The following FER variants were observed in gnomAD, a reference collection of about 807,000 sequenced individuals.
FER encodes tyrosine-protein kinase Fer.
FER carries 63 observed loss-of-function variants against 111.0 expected under a neutral mutation model. The ratio of observed to expected loss-of-function variants is 0.57; its 90% CI spans 0.46 to 0.70. The LOEUF is 0.70. Among genes scored for constraint, FER ranks in the 30% least tolerant of loss-of-function variants. FER has a pLI of 0.00. For missense variants in FER, 914 were observed against 954.0 expected (o/e 0.96, Z 0.55); for synonymous variants, 327 against 313.9 (o/e 1.04, Z -0.44).
At chr5:109,005,918 T>C (rs1765440393) in intron 13 of FER, among the ~76,000 whole-genome samples, 1 of 152,226 alleles carries the variant, frequency 6.6e-6, no homozygotes, top group Non-Finnish European at 1.5e-5. Flanking sequence ...AAGACAAATT[T>C]GTATTCGCTT....
chr5:109,084,536 T>C (rs1178431724), intron 16 of FER, among the ~76,000 whole-genome samples: 2 of 151,912 alleles, frequency 1.3e-5, no homozygotes, highest in Non-Finnish European at 2.9e-5. Flanking sequence ...TAGCCAATTG[T>C]ATGGTTTACT....
intron 13 of FER, among the ~76,000 whole-genome samples, chr5:108,987,565 A>T (rs1581525783): frequency 6.6e-6 from 1 of 152,166 alleles, no homozygotes; most frequent in African/African-American, 2.4e-5. Flanking sequence ...TTGTAAAGGA[A>T]TTTGAGTTCT....
intron 13 of FER, among the ~76,000 whole-genome samples, chr5:109,006,014 C>T (rs1221274409): frequency 1.3e-5 from 2 of 152,160 alleles, no homozygotes; most frequent in Non-Finnish European, 2.9e-5. Flanking sequence ...TATTGATTAA[C>T]TCAGATATAC....
intron 1 of FER, among the ~76,000 whole-genome samples, 160 bp downstream of exon 1, chr5:108,748,160 C>G (rs753606524): frequency 5.9e-5 from 9 of 152,236 alleles, no homozygotes; most frequent in Admixed American, 2.6e-4. Flanking sequence ...TCAGAGTAAA[C>G]TGGAGTTGCT....
At chr5:108,952,910 C>G (rs889326665) in intron 11 of FER, among the ~76,000 whole-genome samples, 1 of 151,926 alleles carries the variant, frequency 6.6e-6, no homozygotes, top group African/African-American at 2.4e-5. Context: ...TTTCCTGTTA[C>G]GTTGACCTTT....
At chr5:109,130,488 C>A (rs1752240226) in intron 17 of FER, among the ~76,000 whole-genome samples, 1 of 133,480 alleles carries the variant, frequency 7.5e-6, no homozygotes, top group South Asian at 2.3e-4. Flanking sequence ...TTAGTAGCCA[C>A]ATTAAAAATA....
At chr5:108,866,974 A>G (rs1189992195) in intron 5 of FER, among the ~76,000 whole-genome samples, 1 of 152,178 alleles carries the variant, frequency 6.6e-6, no homozygotes, top group East Asian at 1.9e-4. Flanking sequence ...TTCCACATGA[A>G]GTCTAAATTT....
At chr5:108,893,974 T>TG (rs1257481090) in intron 9 of FER, among the ~76,000 whole-genome samples, 3 of 151,572 alleles carry the variant, frequency 2.0e-5, no homozygotes, top group East Asian at 1.9e-4. Context: ...AGAGGTTTTT[T>TG]TTTTTTTTTT....
chr5:109,013,729 C>A (rs1766639651), intron 13 of FER, among the ~76,000 whole-genome samples: 1 of 151,832 alleles, frequency 6.6e-6, no homozygotes, highest in Non-Finnish European at 1.5e-5. Context: ...TTCTCCACAT[C>A]CTCTCCAGCA....
intron 10 of FER, among the ~76,000 whole-genome samples, chr5:108,914,822 A>G (rs1282571951): frequency 6.6e-6 from 1 of 152,224 alleles, no homozygotes; most frequent in Non-Finnish European, 1.5e-5. Flanking sequence ...CCTTTTCAAA[A>G]GTAATTTAGG....
At chr5:109,158,223 A>T (rs1207192004) in intron 17 of FER, among the ~76,000 whole-genome samples, 1 of 151,948 alleles carries the variant, frequency 6.6e-6, no homozygotes, top group Non-Finnish European at 1.5e-5. Flanking sequence ...TACAAAAAAA[A>T]TACCAAAAAA....
At chr5:108,931,068 C>T (rs940323882) in intron 10 of FER, among the ~76,000 whole-genome samples, 6 of 152,174 alleles carry the variant, frequency 3.9e-5, no homozygotes, top group Admixed American at 3.9e-4. Context: ...GTTATTTAAC[C>T]ACTCTAGGCT....
chr5:108,874,915 A>T (rs1269404099), intron 8 of FER, among the ~76,000 whole-genome samples: 1 of 152,172 alleles, frequency 6.6e-6, no homozygotes, highest in East Asian at 1.9e-4. Context: ...CAGATATATA[A>T]GCCCTCTTAT....
At chr5:109,018,609 T>C (rs915734417) in intron 13 of FER, among the ~76,000 whole-genome samples, 2 of 151,802 alleles carry the variant, frequency 1.3e-5, no homozygotes, top group Non-Finnish European at 3.0e-5. Flanking sequence ...TATCTGTAAA[T>C]TGTGGTTGTG....
intron 13 of FER, among the ~76,000 whole-genome samples, chr5:108,966,818 C>T (rs1052644524): frequency 9.9e-5 from 15 of 152,064 alleles, no homozygotes; most frequent in Admixed American, 9.8e-4. Context: ...ATTCTCCCCT[C>T]CCCCATTTCT....
intron 5 of FER, among the ~76,000 whole-genome samples, chr5:108,851,016 T>A (rs1436032909): frequency 1.3e-5 from 2 of 152,210 alleles, no homozygotes; most frequent in African/African-American, 2.4e-5. Context: ...AGAGTCTTAG[T>A]GGAGTTTATC....
At chr5:108,783,873 G>C (rs1417324745) in intron 2 of FER, among the ~76,000 whole-genome samples, 1 of 152,136 alleles carries the variant, frequency 6.6e-6, no homozygotes, top group Non-Finnish European at 1.5e-5. Context: ...GGGGAGGAGA[G>C]TCTTGGACAT....
chr5:108,986,949 G>GA (rs1762640067), intron 13 of FER, among the ~76,000 whole-genome samples: 1 of 150,734 alleles, frequency 6.6e-6, no homozygotes, highest in African/African-American at 2.5e-5. Flanking sequence ...TTCCATGTGA[G>GA]TTTTAGGATT....
At chr5:109,126,039 AT>A (rs1292156031) in intron 17 of FER, among the ~76,000 whole-genome samples, 1 of 152,114 alleles carries the variant, frequency 6.6e-6, no homozygotes, top group Non-Finnish European at 1.5e-5. Context: ...ACAGCCAGTA[AT>A]TGGCTGAGTT....
Sources: gnomAD v4.1 joint callset for allele counts (sites outside exome capture counted in the v4.1 genomes callset) on GRCh38, gnomAD v4.1.1 for gene constraint, MANE v1.5 for transcripts, NCBI Gene and HGNC (gene_info 2026-07-23, HGNC 2026-07-21) for gene names.